GRID2: variants seen among roughly 807,000 people sequenced by gnomAD.
GRID2 encodes glutamate ionotropic receptor delta type subunit 2.
GRID2 carries 33 observed loss-of-function variants against 114.8 expected under a neutral mutation model. The observed-to-expected ratio is 0.29, with a 90% confidence interval of 0.22 to 0.38. The LOEUF (loss-of-function observed/expected upper bound fraction) is 0.38, where lower values mean the gene tolerates loss of function less well. Among genes scored for constraint, GRID2 ranks in the 10% least tolerant of loss-of-function variants. The probability of loss-of-function intolerance (pLI) is 1.00; values close to 1 mark genes in which losing one functional copy is unlikely to be tolerated. For synonymous variants in GRID2, 505 were observed against 449.9 expected (o/e 1.12, Z -1.55); for missense variants, 1,184 against 1,257.7 (o/e 0.94, Z 0.89).
At chr4:92,693,668 T>A (rs1734292226) in intron 2 of GRID2, among the ~76,000 whole-genome samples, 1 of 152,124 alleles carries the variant, frequency 6.6e-6, no homozygotes, top group Admixed American at 6.5e-5. Context: ...TGGAATTACA[T>A]CTAAAACTCA....
chr4:93,026,013 AAGT>A (rs756429834), intron 2 of GRID2, among the ~76,000 whole-genome samples: 21 of 151,886 alleles, frequency 1.4e-4, no homozygotes, highest in Admixed American at 1.3e-4. Flanking sequence ...AGAGAACAAA[AAGT>A]AGGGAAAGTT....
At chr4:93,153,927 CAATGTTGTACTT>C (rs1490462485) in intron 4 of GRID2, among the ~76,000 whole-genome samples, 1 of 151,982 alleles carries the variant, frequency 6.6e-6, no homozygotes, top group East Asian at 1.9e-4. Context: ...TCCACAGGCA[CAATGTTGTACTT>C]TAGATCTTTA....
chr4:92,340,348 A>T (rs1203072513), intron 1 of GRID2, among the ~76,000 whole-genome samples: 5 of 152,196 alleles, frequency 3.3e-5, no homozygotes, highest in African/African-American at 4.8e-5. Context: ...TGAGTGTCCC[A>T]AAGTAAATTT....
intron 2 of GRID2, among the ~76,000 whole-genome samples, chr4:92,944,909 A>G (rs1293433840): frequency 1.3e-5 from 2 of 152,156 alleles, no homozygotes; most frequent in Admixed American, 1.3e-4. Context: ...TGATTATAGA[A>G]CAGTTATGCA....
intron 1 of GRID2, among the ~76,000 whole-genome samples, chr4:92,553,293 AT>A (rs148194517): frequency 0.067 from 10,223 of 152,180 alleles, 391 homozygotes; most frequent in Middle Eastern, 0.19. Flanking sequence ...TGTGTTTTGA[AT>A]TTTTTTGGTG....
intron 8 of GRID2, among the ~76,000 whole-genome samples, chr4:93,240,211 C>T (rs1458420379): frequency 6.6e-6 from 1 of 151,584 alleles, no homozygotes; most frequent in Non-Finnish European, 1.5e-5. Flanking sequence ...CAGATAACAT[C>T]AAACCCATTT....
chr4:92,720,693 A>G (rs1735769689), intron 2 of GRID2, among the ~76,000 whole-genome samples: 1 of 152,138 alleles, frequency 6.6e-6, no homozygotes, highest in African/African-American at 2.4e-5. Flanking sequence ...TCTCTTTATA[A>G]TAACCTAATA....
At chr4:92,314,868 A>C (rs1238024949) in intron 1 of GRID2, among the ~76,000 whole-genome samples, 1 of 152,262 alleles carries the variant, frequency 6.6e-6, no homozygotes, top group East Asian at 1.9e-4. Flanking sequence ...TACAGGGCAA[A>C]GTTTATCATT....
Position 93,405,516 on chromosome 4 carries a change from GT to G in GRID2, c.1347+9810del, listed in dbSNP as rs1766325425. Among the ~76,000 whole-genome samples the G allele has an allele frequency of 3.9e-5, 6 of 152,082 alleles. No individual in the cohort carries two copies. The South Asian group carries it at 1.2e-3, about 31-fold the overall frequency. ...CAATGAGTAAATATTTCAGAGATGT[GT>G]TATCTAATTTACTTCTGAAAAACAG... On this transcript the variant is annotated intron_variant, in intron 9 of 15. Transcript: ENST00000282020.
intron 2 of GRID2, among the ~76,000 whole-genome samples, chr4:92,837,767 A>G (rs75756255): frequency 0.025 from 3,788 of 152,198 alleles, 107 homozygotes; most frequent in Admixed American, 0.065. Context: ...GGATCTATTT[A>G]TTCTCATCAC....
chr4:92,706,323 G>T (rs956591468), intron 2 of GRID2, among the ~76,000 whole-genome samples: 1 of 152,080 alleles, frequency 6.6e-6, no homozygotes, highest in Non-Finnish European at 1.5e-5. Flanking sequence ...TACTAGAAAA[G>T]CTCACCTATT....
At chr4:92,768,103 A>G (rs1382442249) in intron 2 of GRID2, among the ~76,000 whole-genome samples, 1 of 152,198 alleles carries the variant, frequency 6.6e-6, no homozygotes, top group African/African-American at 2.4e-5. Flanking sequence ...GTGATTGAAA[A>G]TAAAATCTTT....
intron 9 of GRID2, among the ~76,000 whole-genome samples, chr4:93,412,499 A>G (rs1356219257): frequency 6.6e-6 from 1 of 152,162 alleles, no homozygotes; most frequent in African/African-American, 2.4e-5. Flanking sequence ...ACTTGTGCAC[A>G]TTTATGCTCA....
intron 8 of GRID2, among the ~76,000 whole-genome samples, chr4:93,365,526 A>C (rs1386125047): frequency 6.6e-6 from 1 of 152,166 alleles, no homozygotes; most frequent in African/African-American, 2.4e-5. Flanking sequence ...TCAGTGACTA[A>C]ATCTTCCAAA....
intron 10 of GRID2, among the ~76,000 whole-genome samples, chr4:93,441,048 T>A (rs1327660150): frequency 2.0e-5 from 3 of 152,014 alleles, no homozygotes; most frequent in African/African-American, 7.2e-5. Context: ...ATAAAAAGAT[T>A]TGGTGGGTTA....
chr4:93,006,340 G>A (rs1258359692), intron 2 of GRID2, among the ~76,000 whole-genome samples: 1 of 152,076 alleles, frequency 6.6e-6, no homozygotes, highest in African/African-American at 2.4e-5. Flanking sequence ...AGCAGCGGCT[G>A]AGAGTGGATA....
intron 4 of GRID2, among the ~76,000 whole-genome samples, chr4:93,126,526 C>T (rs982006263): frequency 6.6e-6 from 1 of 150,660 alleles, no homozygotes; most frequent in African/African-American, 2.4e-5. Flanking sequence ...ATACCTACCC[C>T]AGCTGTGGTA....
Position 92,899,580 on chromosome 4 carries a change from T to TG in GRID2, c.245-185415_245-185414insG, listed in dbSNP as rs1747417899. On this transcript the variant is annotated intron_variant, in intron 2 of 15. Transcript: ENST00000282020. ...AACTGATTTAATAGTCAGAGTTCTTTAATTGTTTGTTATTTTGTTTTATTC... is the reference window on the plus strand; with the variant it reads ...AACTGATTTAATAGTCAGAGTTCTTTGAATTGTTTGTTATTTTGTTTTATTC... Among the ~76,000 whole-genome samples, 3 of 152,018 alleles carry TG rather than the reference T, an allele frequency of 2.0e-5. No individual in the cohort carries two copies. In the South Asian group the frequency reaches 6.2e-4, roughly 31 times the overall value.
At chr4:93,771,181 GT>G (rs1734077910) in intron 15 of GRID2, among the ~76,000 whole-genome samples, 2 of 152,120 alleles carry the variant, frequency 1.3e-5, no homozygotes, top group Non-Finnish European at 1.5e-5. Flanking sequence ...TTTCCTTCCA[GT>G]TTTATTTCTC....
Sources: allele counts gnomAD v4.1 joint callset (sites outside exome capture counted in the v4.1 genomes callset), GRCh38; gene constraint gnomAD v4.1.1; transcripts MANE v1.5; gene names NCBI Gene and HGNC (gene_info 2026-07-23, HGNC 2026-07-21).